Variants in TCF7L1 observed in about 807,000 individuals in gnomAD.
The protein encoded by TCF7L1 is transcription factor 7 like 1.
A neutral mutation model predicts 63.7 loss-of-function variants in TCF7L1; 18 were observed. The ratio of observed to expected loss-of-function variants is 0.28; its 90% confidence interval spans 0.20 to 0.42. The LOEUF is 0.42. Ranked by LOEUF, TCF7L1 falls within the 10% of genes least tolerant of loss-of-function variation. TCF7L1 has a pLI of 1.00. For missense variants in TCF7L1, 654 were observed against 779.3 expected (o/e 0.84, Z 1.91); for synonymous variants, 355 against 340.9 (o/e 1.04, Z -0.46).
chr2:85,186,045 C>G (rs1029444914), intron 3 of TCF7L1, among the ~76,000 whole-genome samples: 28 of 147,036 alleles, frequency 1.9e-4, no homozygotes, highest in Admixed American at 9.0e-4. Context: ...CGGCTCACTG[C>G]AAGCTCTGCC....
chr2:85,183,556 C>T (rs1678851880), intron 3 of TCF7L1, among the ~76,000 whole-genome samples: 1 of 152,066 alleles, frequency 6.6e-6, no homozygotes, highest in Non-Finnish European at 1.5e-5. Flanking sequence ...TTGAATAAGG[C>T]AGTAGGTGTT....
chr2:85,226,498 T>G (rs1173987084), intron 3 of TCF7L1, among the ~76,000 whole-genome samples: 1 of 152,212 alleles, frequency 6.6e-6, no homozygotes, highest in African/African-American at 2.4e-5. Context: ...CTGGCTTCTT[T>G]GCTGCTGTGC....
intron 3 of TCF7L1, among the ~76,000 whole-genome samples, chr2:85,193,104 T>A (rs1338091809): frequency 6.6e-6 from 1 of 152,242 alleles, no homozygotes; most frequent in Non-Finnish European, 1.5e-5. Context: ...GTAACTCCGC[T>A]GACTGACCAC....
At chr2:85,159,469 T>C (rs1360621121) in intron 3 of TCF7L1, among the ~76,000 whole-genome samples, 1 of 152,238 alleles carries the variant, frequency 6.6e-6, no homozygotes, top group Non-Finnish European at 1.5e-5. Flanking sequence ...GTTGTCTGCA[T>C]GCCCAGTGAA....
rs1438071468 is a variant in TCF7L1 at position 85,173,761 on chromosome 2, G to A, written c.441+39311G>A. 3.3e-5 allele frequency among the ~76,000 whole-genome samples: 5 copies of A among 149,940 alleles called. No individual in the cohort carries two copies. In the East Asian group the frequency reaches 7.7e-4, roughly 23 times the overall value. On this transcript the variant is annotated intron_variant, in intron 3 of 11. Transcript: ENST00000282111. ...ATTCATTCTTTTTTTTTCTGAGACG[G>A]AGTCTGTCTCTGTTGCCTAGGCTGG...
At chr2:85,251,846 G>T (rs563253366) in intron 3 of TCF7L1, among the ~76,000 whole-genome samples, 1 of 152,290 alleles carries the variant, frequency 6.6e-6, no homozygotes, top group South Asian at 2.1e-4. Context: ...GCGGAAGCAG[G>T]CAGATCATTT....
chr2:85,209,182 G>C (rs756719455), intron 3 of TCF7L1, among the ~76,000 whole-genome samples: 1 of 152,176 alleles, frequency 6.6e-6, no homozygotes, highest in African/African-American at 2.4e-5. Context: ...GCTAGAGAGC[G>C]AATAAGGCAG....
At chr2:85,231,564 C>T (rs1680081973) in intron 3 of TCF7L1, among the ~76,000 whole-genome samples, 2 of 152,138 alleles carry the variant, frequency 1.3e-5, no homozygotes, top group Non-Finnish European at 2.9e-5. Flanking sequence ...CACCACCCAC[C>T]CAACTCCACT....
At chr2:85,238,091 G>A (rs1165990108) in intron 3 of TCF7L1, among the ~76,000 whole-genome samples, 1 of 151,346 alleles carries the variant, frequency 6.6e-6, no homozygotes, top group African/African-American at 2.5e-5. Context: ...TTAGGTTCCT[G>A]CTGTATACCC....
At position 85,309,037 on chromosome 2, in the gene TCF7L1, G is replaced by T; in HGVS notation, c.1342G>T (p.Ala448Ser). ...TTGTATTTTCCCCCTAGGTGCCCTG[G>T]CCTCCAAGAGCAAGAAGCCATGTGT... ...QQVQEAEGAL[A>S]SKSKKPCVQY... Residue 448 changes from alanine to serine, a missense_variant, in exon 12 of 12, where the codon GCC becomes TCC. Coordinates refer to ENST00000282111, the MANE Select transcript of TCF7L1 (RefSeq NM_031283.3). 1.3e-6 allele frequency: 2 copies of T among 1,590,700 alleles called. No individual in the cohort carries two copies. The highest frequency in any genetic ancestry group is 2.7e-5 in the African/African-American group (2 of 73,884).
chr2:85,222,126 G>T (rs545444537), intron 3 of TCF7L1, among the ~76,000 whole-genome samples: 2 of 152,254 alleles, frequency 1.3e-5, no homozygotes, highest in Admixed American at 1.3e-4. Flanking sequence ...TGGATCACCT[G>T]AGGTCAGGAG....
At chr2:85,187,848 C>T (rs552338169) in intron 3 of TCF7L1, among the ~76,000 whole-genome samples, 1 of 152,298 alleles carries the variant, frequency 6.6e-6, no homozygotes, top group South Asian at 2.1e-4. Flanking sequence ...ATGTTCATAA[C>T]ACCTTCATTC....
At chr2:85,223,457 G>C (rs1188823554) in intron 3 of TCF7L1, among the ~76,000 whole-genome samples, 1 of 152,212 alleles carries the variant, frequency 6.6e-6, no homozygotes, top group Non-Finnish European at 1.5e-5. Flanking sequence ...GTCTGAGCAG[G>C]ACCCCACAGC....
intron 4 of TCF7L1, among the ~76,000 whole-genome samples, chr2:85,285,559 C>A (rs1681526658): frequency 6.6e-6 from 1 of 152,264 alleles, no homozygotes; most frequent in South Asian, 2.1e-4. Context: ...TGCTGTTGAA[C>A]AAGCACTCCA....
Position 85,134,211 on chromosome 2 carries a change from G to T in TCF7L1, c.314-112G>T. The T allele has an allele frequency of 6.7e-7, 1 of 1,481,572 alleles. No homozygotes were observed. Among genetic ancestry groups the T allele is most frequent in the Admixed American group, 2.4e-5 (1 of 42,550 alleles). 91.8% of individuals were successfully genotyped at this position (1,481,572 alleles called of 1,614,324 possible). On this transcript the variant is annotated intron_variant, in intron 2 of 11. Transcript: ENST00000282111. The surrounding 1 kb of genome is among the most constrained non-coding windows in gnomAD (Gnocchi z 5.0). The stretch of plus-strand genomic sequence containing the variant: ...TCCGCCTTTATTGGCGGCAGCCCCC[G>T]TGGGGCGCGCGTGGGGGGCGCTGGG...
intron 3 of TCF7L1, among the ~76,000 whole-genome samples, chr2:85,227,261 C>T (rs542545579): frequency 2.0e-5 from 3 of 152,320 alleles, no homozygotes; most frequent in South Asian, 2.1e-4. Context: ...TCTGCTTACA[C>T]TGTCAAACCC....
chr2:85,266,681 G>T (rs1468374396), intron 3 of TCF7L1, among the ~76,000 whole-genome samples: 1 of 152,254 alleles, frequency 6.6e-6, no homozygotes, highest in Non-Finnish European at 1.5e-5. Context: ...TGTTGAGCAT[G>T]CTCTGCATGC....
chr2:85,304,373 T>G (rs184245285), intron 7 of TCF7L1, 35 bp downstream of exon 7: 12 of 1,604,520 alleles, frequency 7.5e-6, no homozygotes, highest in Non-Finnish European at 1.0e-5. Flanking sequence ...CGCATGTTTG[T>G]CTTAGCAACC....
At chr2:85,223,691 G>A (rs11892343) in intron 3 of TCF7L1, among the ~76,000 whole-genome samples, 3,357 of 152,234 alleles carry the variant, frequency 0.022, 133 homozygotes, top group African/African-American at 0.077. Flanking sequence ...ATTTAACCCC[G>A]CAAGGCATAC....
Sources: allele counts gnomAD v4.1 joint callset (sites outside exome capture counted in the v4.1 genomes callset), GRCh38; gene constraint gnomAD v4.1.1; non-coding constraint Gnocchi (gnomAD v3.1); transcripts MANE v1.5; gene names NCBI Gene and HGNC (gene_info 2026-07-23, HGNC 2026-07-21).